Variants in MYOM1 observed in about 807,000 individuals in gnomAD.
MYOM1 encodes the protein myomesin 1.
In MYOM1, 164 loss-of-function variants were observed where a neutral mutation model predicts 205.3. The observed-to-expected ratio is 0.80, with a 90% CI of 0.70 to 0.91. MYOM1 has a LOEUF of 0.91. MYOM1 is among the 40% of genes least tolerant of loss of function. The pLI, the probability that MYOM1 is intolerant of heterozygous loss-of-function variation, is 0.00. For synonymous variants in MYOM1, 772 were observed against 789.4 expected, an observed-to-expected ratio of 0.98 and a Z score of 0.37; for missense variants, 2,011 against 2,127.3, an observed-to-expected ratio of 0.95 and a Z score of 1.08.
intron 5 of MYOM1, among the ~76,000 whole-genome samples, chr18:3,177,975 G>A (rs2080672108): frequency 6.6e-6 from 1 of 152,134 alleles, no homozygotes; most frequent in Non-Finnish European, 1.5e-5. Context: ...CTACGCAGGC[G>A]GGCCTCTCCC....
intron 2 of MYOM1, among the ~76,000 whole-genome samples, chr18:3,201,613 T>C (rs901371657): frequency 1.3e-5 from 2 of 151,950 alleles, no homozygotes; most frequent in Non-Finnish European, 2.9e-5. Flanking sequence ...TATACACATA[T>C]ATGTATGTAA....
chr18:3,144,616 T>C (rs1369298823), intron 13 of MYOM1, among the ~76,000 whole-genome samples: 1 of 152,148 alleles, frequency 6.6e-6, no homozygotes, highest in Non-Finnish European at 1.5e-5. Context: ...AAGGCACACA[T>C]AGGCTAAGTG....
chr18:3,092,751 T>G (rs62074908), intron 26 of MYOM1, among the ~76,000 whole-genome samples: 27,665 of 152,096 alleles, frequency 0.18, 2,549 homozygotes, highest in South Asian at 0.23. Flanking sequence ...AGTCTCCAAC[T>G]GAGACCACAT....
chr18:3,208,024 G>A (rs565778974), intron 2 of MYOM1, among the ~76,000 whole-genome samples: 1 of 152,158 alleles, frequency 6.6e-6, no homozygotes, highest in South Asian at 2.1e-4. Context: ...ATGAACTTTT[G>A]GTCCTTTCTT....
At chr18:3,174,061 G>A (rs1300274466) in intron 7 of MYOM1, 59 bp downstream of exon 7, 5 of 1,600,434 alleles carry the variant, frequency 3.1e-6, no homozygotes, top group Non-Finnish European at 4.3e-6. Context: ...TTAAAACCAT[G>A]GGAAGAAATT....
At chr18:3,149,117 T>C (rs756070446) in intron 13 of MYOM1, 28 bp downstream of exon 13, 26 of 1,606,334 alleles carry the variant, frequency 1.6e-5, no homozygotes, top group Middle Eastern at 1.6e-4. Flanking sequence ...ACATCAGCAA[T>C]AGTATCTGGG....
chr18:3,188,461 A>AAAAAAAAAAAC (rs564275878), intron 4 of MYOM1, among the ~76,000 whole-genome samples: 2 of 150,712 alleles, frequency 1.3e-5, no homozygotes, highest in South Asian at 2.1e-4. Flanking sequence ...TACCAGAAAA[A>AAAAAAAAAAAC]AAAAAACAAC....
chr18:3,188,021 T>C (rs2080846142), intron 4 of MYOM1, among the ~76,000 whole-genome samples: 1 of 151,674 alleles, frequency 6.6e-6, no homozygotes, highest in East Asian at 2.0e-4. Flanking sequence ...GTATTTTTAG[T>C]AGAGATTTTA....
rs1334526476 is a variant in MYOM1, at chr18:3,215,120, C to T, written c.104G>A (p.Arg35His). ...GGAGCCCTGGGTGTAGACGGCGGAG[C>T]GTTTCTTCTCCCGCTGGTAGTGACT... ...TVSHYQREKK[R>H]SAVYTQGSTA... Residue 35 changes from arginine (R) to histidine (H), a missense_variant, in exon 2 of 38, where the codon CGC becomes CAC. Coordinates refer to ENST00000356443, the MANE Select transcript of MYOM1 (RefSeq NM_003803.4). 9 of 1,613,728 alleles carry T rather than the reference C, an allele frequency of 5.6e-6. No individual in the cohort carries two copies. Among genetic ancestry groups the T allele is most frequent in the African/African-American group, 4.0e-5 (3 of 75,004 alleles).
intron 10 of MYOM1, among the ~76,000 whole-genome samples, chr18:3,156,899 G>A (rs978563378): frequency 6.6e-6 from 1 of 152,162 alleles, no homozygotes; most frequent in African/African-American, 2.4e-5. Flanking sequence ...GTGAGCCACC[G>A]CGCCCGGCGA....
intron 5 of MYOM1, among the ~76,000 whole-genome samples, chr18:3,176,499 A>G (rs576667818): frequency 1.3e-5 from 2 of 152,306 alleles, no homozygotes; most frequent in South Asian, 4.1e-4. Flanking sequence ...ATGCTACTAG[A>G]AATCAGTAGT....
intron 20 of MYOM1, among the ~76,000 whole-genome samples, chr18:3,119,417 G>C (rs2143831063): frequency 6.6e-6 from 1 of 152,248 alleles, no homozygotes; most frequent in South Asian, 2.1e-4. Context: ...GAGAGATTTT[G>C]GGGGGCTAAT....
intron 8 of MYOM1, among the ~76,000 whole-genome samples, chr18:3,171,818 CT>C (rs2080561528): frequency 6.6e-6 from 1 of 152,240 alleles, no homozygotes; most frequent in Admixed American, 6.5e-5. Context: ...GTTACGGCTG[CT>C]TTTGTGTTAC....
At chr18:3,102,389 C>A in intron 23 of MYOM1, 85 bp downstream of exon 23, 1 of 1,312,092 alleles carries the variant, frequency 7.6e-7, no homozygotes. Context: ...CCTCTTATTC[C>A]AAGCAATTTA....
intron 25 of MYOM1, among the ~76,000 whole-genome samples, chr18:3,099,603 C>T (rs2079351077): frequency 6.6e-6 from 1 of 152,094 alleles, no homozygotes; most frequent in Admixed American, 6.6e-5. Flanking sequence ...CTCTTAGTGT[C>T]AAGTGTGGAA....
rs2080861611 is a variant in MYOM1 at position 3,188,846 on chromosome 18, G to C, written c.673C>G (p.Gln225Glu). ...TASRQSVVSK[Q>E]ATSALQQEET... ...TCCTGTTGAAGAGCGGATGTGGCCT[G>C]TTTGGAAACCACAGACTGCCTGGAT... Residue 225 changes from glutamine to glutamate, a missense_variant, in exon 4 of 38, where the codon CAG becomes GAG. Physicochemically the swap from Gln to Glu is conservative, Grantham distance 29. Coordinates refer to ENST00000356443, the MANE Select transcript of MYOM1 (RefSeq NM_003803.4). The C allele has an allele frequency of 6.2e-7, 1 of 1,613,674 alleles. No homozygotes were observed. Among genetic ancestry groups the C allele is most frequent in the Non-Finnish European group, 8.5e-7 (1 of 1,179,856 alleles).
At chr18:3,155,987 G>A (rs55748821) in intron 10 of MYOM1, among the ~76,000 whole-genome samples, 23,560 of 152,126 alleles carry the variant, frequency 0.15, 2,131 homozygotes, top group East Asian at 0.28. Context: ...GTAAAAGTCC[G>A]GGATAATACA....
chr18:3,226,647 G>A, the MYOM1 span, among the ~76,000 whole-genome samples: 1 of 152,126 alleles, frequency 6.6e-6, no homozygotes, highest in African/African-American at 2.4e-5. This position sits in a 1 kb window ranked among gnomAD's most constrained non-coding sequence, Gnocchi z 4.6. Flanking sequence ...ACTAGGATGG[G>A]AAGTTTTTCG....
chr18:3,134,901 C>A lies in MYOM1; in HGVS notation c.2210-77G>T, dbSNP rs1425165345. 7 of 1,422,188 alleles carry A rather than the reference C, an allele frequency of 4.9e-6. No individual in the cohort carries two copies. In the Admixed American group the frequency reaches 1.1e-4, roughly 22 times the overall value. The allele number at this position is 1,422,188 out of a possible 1,614,324, so 88.1% of individuals were successfully genotyped here. On this transcript the variant is annotated intron_variant, in intron 15 of 37. Coordinates refer to ENST00000356443, the MANE Select transcript of MYOM1 (RefSeq NM_003803.4). ...CTTATCATCTATGCACAAACACACA[C>A]CTAGGTATTTTACACACTTCGTCAT...
Sources: allele counts gnomAD v4.1 joint callset (sites outside exome capture counted in the v4.1 genomes callset), GRCh38; gene constraint gnomAD v4.1.1; non-coding constraint Gnocchi (gnomAD v3.1); transcripts MANE v1.5; gene names NCBI Gene and HGNC (gene_info 2026-07-23, HGNC 2026-07-21).